FOXN3: variants seen among roughly 807,000 people sequenced by gnomAD.
FOXN3 encodes forkhead box N3, also known as forkhead box protein N3.
FOXN3 carries 7 observed loss-of-function variants against 38.4 expected under a neutral mutation model. That is an observed-to-expected ratio of 0.18 (90% CI 0.10 to 0.34). The LOEUF (loss-of-function observed/expected upper bound fraction) is 0.34. Ranked by LOEUF, FOXN3 falls within the 10% of genes least tolerant of loss-of-function variation. The pLI, the probability that FOXN3 is intolerant of heterozygous loss-of-function variation, is 1.00. For missense variants in FOXN3, 456 were observed against 613.4 expected, an observed-to-expected ratio of 0.74 and a Z score of 2.71; for synonymous variants, 230 against 242.2, an observed-to-expected ratio of 0.95 and a Z score of 0.47.
chr14:89,223,625 A>G (rs762454453), intron 4 of FOXN3, among the ~76,000 whole-genome samples: 2 of 152,154 alleles, frequency 1.3e-5, no homozygotes, highest in African/African-American at 2.4e-5. Context: ...AAAGCATCTG[A>G]TTTGGAATTT....
At chr14:89,284,967 G>A (rs1470024617) in intron 3 of FOXN3, among the ~76,000 whole-genome samples, 1 of 152,116 alleles carries the variant, frequency 6.6e-6, no homozygotes, top group Non-Finnish European at 1.5e-5. Context: ...AGCTCCCAAG[G>A]GGATATCCTG....
intron 4 of FOXN3, among the ~76,000 whole-genome samples, chr14:89,280,439 G>A (rs1886423355): frequency 6.6e-6 from 1 of 152,086 alleles, no homozygotes; most frequent in African/African-American, 2.4e-5. Flanking sequence ...CCAATGTAGG[G>A]TGACTGGACT....
intron 2 of FOXN3, 114 bp from the exon 3 acceptor site, chr14:89,350,922 ACTGTTTG>A (rs1888941162): frequency 1.3e-6 from 1 of 757,208 alleles, no homozygotes; most frequent in African/African-American, 1.8e-5. Context: ...TCATTTGTTG[ACTGTTTG>A]CCAGCCTTAA....
At chr14:89,252,654 C>CAAAAAA (rs397827971) in intron 4 of FOXN3, among the ~76,000 whole-genome samples, 2 of 93,934 alleles carry the variant, frequency 2.1e-5, no homozygotes, top group African/African-American at 8.0e-5. Flanking sequence ...AACTCTATCT[C>CAAAAAA]AAAAAAAAAA....
At chr14:89,321,205 C>A (rs750720145) in intron 3 of FOXN3, among the ~76,000 whole-genome samples, 23 of 151,994 alleles carry the variant, frequency 1.5e-4, no homozygotes, top group Non-Finnish European at 1.2e-4. Context: ...ACACAAGAAT[C>A]GCTTGAACCT....
At chr14:89,268,815 G>A (rs566562767) in intron 4 of FOXN3, among the ~76,000 whole-genome samples, 1 of 152,326 alleles carries the variant, frequency 6.6e-6, no homozygotes, top group Admixed American at 6.5e-5. Flanking sequence ...GAAGTGGAGG[G>A]GTGGGAGGAG....
At chr14:89,446,893 A>G (rs140692693) in intron 1 of FOXN3, among the ~76,000 whole-genome samples, 40 of 152,282 alleles carry the variant, frequency 2.6e-4, no homozygotes, top group Middle Eastern at 3.4e-3. Context: ...ACAGATCTCT[A>G]TTTCCTTAAA....
At chr14:89,280,921 G>T in intron 4 of FOXN3, 29 bp downstream of exon 4, 2 of 1,588,908 alleles carry the variant, frequency 1.3e-6, no homozygotes, top group South Asian at 1.1e-5. Flanking sequence ...GAGGGGGAGG[G>T]AGAGGAAGGG....
intron 3 of FOXN3, among the ~76,000 whole-genome samples, chr14:89,325,580 G>T (rs1888057882): frequency 6.6e-6 from 1 of 152,236 alleles, no homozygotes; most frequent in African/African-American, 2.4e-5. Context: ...GGAAGGGAAA[G>T]GAGTTGTAAA....
chr14:89,418,421 C>CCT (rs1402858505), upstream of FOXN3, among the ~76,000 whole-genome samples: 1 of 127,550 alleles, frequency 7.8e-6, no homozygotes, highest in African/African-American at 2.9e-5. Flanking sequence ...GACCCCCCCC[C>CCT]CCCAATCTGA....
chr14:89,412,842 T>A lies in FOXN3; in HGVS notation c.-14-352A>T, dbSNP rs58165371. On this transcript the variant is annotated intron_variant, in intron 1 of 5. Transcript: ENST00000557258. The surrounding 1 kb of genome is among the most constrained non-coding windows in gnomAD (Gnocchi z 4.7). ...TGAGACCAGGAGACCAGTTTTAAAG[T>A]ACGTTAAATTTTACTGTGAATTATT... 0.12 allele frequency among the ~76,000 whole-genome samples: 18,600 copies of A among 152,092 alleles called. 1,262 individuals are homozygous for A. The highest frequency in any genetic ancestry group is 0.3 in the South Asian group (1,455 of 4,808).
chr14:89,506,114 G>T (rs1893924365), intron 1 of FOXN3, among the ~76,000 whole-genome samples: 2 of 137,636 alleles, frequency 1.5e-5, no homozygotes, highest in Admixed American at 7.1e-5. Context: ...CGTCCGGGAG[G>T]TGAGGGGCGC....
chr14:89,376,929 G>C (rs1249577572), intron 2 of FOXN3, among the ~76,000 whole-genome samples: 1 of 144,646 alleles, frequency 6.9e-6, no homozygotes, highest in Non-Finnish European at 1.5e-5. Flanking sequence ...CAGGAGACTT[G>C]CTTGATTCTT....
At chr14:89,171,916 A>G (rs921250654) in intron 5 of FOXN3, among the ~76,000 whole-genome samples, 8 of 151,782 alleles carry the variant, frequency 5.3e-5, no homozygotes, top group South Asian at 2.1e-4. Flanking sequence ...ATAATTAGGG[A>G]AAAAAACCCC....
upstream of FOXN3, chr14:89,419,142 TTC>T (rs1891839807): frequency 2.2e-6 from 1 of 456,082 alleles, no homozygotes. Context: ...ATTTCTTAAT[TTC>T]TCTCTCCCAT....
chr14:89,292,738 G>A lies in FOXN3; in HGVS notation c.681-11724C>T, dbSNP rs546155870. On this transcript the variant is annotated intron_variant, in intron 3 of 5. Transcript: ENST00000557258. The stretch of plus-strand genomic sequence containing the variant: ...TGGACTTCCCAGCCTCCAGCATAGC[G>A]AGAGATCTATTGTTTGTAAATTACC... Among the ~76,000 whole-genome samples, 7 of 152,178 alleles carry A rather than the reference G, an allele frequency of 4.6e-5. No individual in the cohort carries two copies. The East Asian group carries it at 7.7e-4, about 17-fold the overall frequency.
intron 1 of FOXN3, among the ~76,000 whole-genome samples, chr14:89,520,172 T>A (rs1051225695): frequency 6.6e-6 from 1 of 151,544 alleles, no homozygotes; most frequent in Admixed American, 6.6e-5. Context: ...TACCTCGACG[T>A]CCAGTGACAT....
intron 1 of FOXN3, among the ~76,000 whole-genome samples, chr14:89,505,413 T>G (rs1010710804): frequency 5.3e-5 from 8 of 152,062 alleles, no homozygotes; most frequent in Non-Finnish European, 2.9e-5. Context: ...TGCCTGCGAT[T>G]GCAGGCGCGC....
chr14:89,450,927 C>T (rs1295215563), intron 1 of FOXN3, among the ~76,000 whole-genome samples: 1 of 152,104 alleles, frequency 6.6e-6, no homozygotes, highest in East Asian at 1.9e-4. Flanking sequence ...GCCACAAAGG[C>T]CCCCCAGGGT....
Sources: gnomAD v4.1 joint callset for allele counts (sites outside exome capture counted in the v4.1 genomes callset) on GRCh38, gnomAD v4.1.1 for gene constraint, Gnocchi (gnomAD v3.1) non-coding constraint, MANE v1.5 for transcripts, NCBI Gene and HGNC (gene_info 2026-07-23, HGNC 2026-07-21) for gene names.